The following TSHR variants were observed in gnomAD, a reference collection of about 807,000 sequenced individuals.
The protein encoded by TSHR is thyrotropin receptor.
In TSHR, 51 loss-of-function variants were observed where a neutral mutation model predicts 64.1. The observed-to-expected ratio is 0.80, with a 90% CI of 0.64 to 1.01. The LOEUF (loss-of-function observed/expected upper bound fraction) is 1.01. Among genes scored for constraint, TSHR ranks in the 50% least tolerant of loss-of-function variants. The pLI is 0.00. For synonymous variants in TSHR, 361 were observed against 361.9 expected, an observed-to-expected ratio of 1.00 and a Z score of 0.03; for missense variants, 877 against 942.8, an observed-to-expected ratio of 0.93 and a Z score of 0.91.
intron 1 of TSHR, among the ~76,000 whole-genome samples, chr14:81,011,828 C>T (rs947311698): frequency 1.6e-4 from 25 of 151,906 alleles, no homozygotes; most frequent in Non-Finnish European, 3.1e-4. Flanking sequence ...CCACTGCACT[C>T]CAGACTGGCG....
intron 1 of TSHR, among the ~76,000 whole-genome samples, chr14:81,024,557 T>G (rs1432624805): frequency 6.6e-6 from 1 of 152,062 alleles, no homozygotes; most frequent in Non-Finnish European, 1.5e-5. Flanking sequence ...AGGTATGCCT[T>G]TCTTATAGCA....
chr14:81,125,642 C>G (rs902163235), intron 8 of TSHR, among the ~76,000 whole-genome samples: 3 of 152,082 alleles, frequency 2.0e-5, no homozygotes, highest in Non-Finnish European at 4.4e-5. Context: ...TCTGTGCTTA[C>G]CAAGTGAAGC....
At chr14:81,056,675 A>T (rs566235676) in intron 1 of TSHR, among the ~76,000 whole-genome samples, 11 of 152,344 alleles carry the variant, frequency 7.2e-5, no homozygotes, top group African/African-American at 2.6e-4. Flanking sequence ...TCCATAAGTC[A>T]AACTTATCAA....
rs1316364077 is a variant in TSHR at position 80,956,812 on chromosome 14, G to A, written c.170+962G>A. Among the ~76,000 whole-genome samples the A allele has an allele frequency of 4.6e-5, 7 of 152,118 alleles. No individual in the cohort carries two copies. The East Asian group carries it at 9.6e-4, about 21-fold the overall frequency. ...CAGTAGATGAATATTTGAGCACAGA[G>A]ATATATTTCTGTGCTCAGAGATATC... On this transcript the variant is annotated intron_variant, in intron 1 of 9. Coordinates refer to ENST00000298171, the MANE Select transcript of TSHR (RefSeq NM_000369.5).
intron 7 of TSHR, among the ~76,000 whole-genome samples, chr14:81,107,923 G>A (rs1889999307): frequency 6.6e-6 from 1 of 152,018 alleles, no homozygotes; most frequent in African/African-American, 2.4e-5. Flanking sequence ...CTGAATCTCT[G>A]ACAGTCCTCA....
intron 1 of TSHR, chr14:81,051,112 CT>C (rs1022688538): frequency 1.4e-4 from 21 of 154,738 alleles, no homozygotes; most frequent in African/African-American, 5.0e-4. Flanking sequence ...TTCTAAATTT[CT>C]TTGTTGTCAT....
chr14:81,071,964 G>A (rs1224209763), intron 3 of TSHR, among the ~76,000 whole-genome samples: 1 of 152,116 alleles, frequency 6.6e-6, no homozygotes, highest in Non-Finnish European at 1.5e-5. Context: ...GTCATATGAG[G>A]TGATTACTGG....
chr14:80,991,559 G>GA (rs1181330617), intron 1 of TSHR: 1 of 398,364 alleles, frequency 2.5e-6, no homozygotes, highest in Non-Finnish European at 4.4e-6. Flanking sequence ...GAAGAGAGAG[G>GA]AAAAAAGTCT....
At chr14:81,102,751 T>C (rs758659533) in intron 7 of TSHR, 17 of 980,994 alleles carry the variant, frequency 1.7e-5, no homozygotes, top group Non-Finnish European at 2.1e-5. Context: ...GGTCATAGTT[T>C]GTAGACCTCT....
At chr14:81,026,831 T>C (rs1217642013) in intron 1 of TSHR, among the ~76,000 whole-genome samples, 1 of 149,816 alleles carries the variant, frequency 6.7e-6, no homozygotes, top group East Asian at 2.0e-4. Context: ...AGGTCAGGAG[T>C]TCAAGACCAG....
chr14:81,019,832 G>A (rs546345492), intron 1 of TSHR, among the ~76,000 whole-genome samples: 45 of 152,200 alleles, frequency 3.0e-4, no homozygotes, highest in African/African-American at 7.2e-4. Context: ...GTGTATGTGC[G>A]CCACATTTTC....
chr14:81,001,674 C>G, intron 1 of TSHR: 8 of 515,112 alleles, frequency 1.6e-5, no homozygotes, highest in South Asian at 1.1e-4. Context: ...GGTGGCTTTT[C>G]GTACAGGCAC....
chr14:81,011,792 G>A (rs900552604), intron 1 of TSHR, among the ~76,000 whole-genome samples: 3 of 151,950 alleles, frequency 2.0e-5, no homozygotes, highest in African/African-American at 4.8e-5. Flanking sequence ...TTTCTCCTGC[G>A]GAGATTGCAG....
intron 1 of TSHR, among the ~76,000 whole-genome samples, chr14:80,999,609 A>T (rs1889198976): frequency 6.6e-6 from 1 of 152,236 alleles, no homozygotes; most frequent in Non-Finnish European, 1.5e-5. Context: ...TTAATTATAA[A>T]GCTAAAAGTG....
intron 1 of TSHR, among the ~76,000 whole-genome samples, chr14:80,984,063 G>C (rs1232060461): frequency 6.7e-6 from 1 of 148,206 alleles, no homozygotes; most frequent in Non-Finnish European, 1.5e-5. Context: ...TAGAGAGAGA[G>C]TGAGTGTGTG....
intron 1 of TSHR, among the ~76,000 whole-genome samples, chr14:81,022,278 A>T (rs373741731): frequency 2.4e-4 from 36 of 152,080 alleles, no homozygotes; most frequent in Admixed American, 1.4e-3. Context: ...TCAAAAACAA[A>T]AACAAAACAA....
intron 6 of TSHR, among the ~76,000 whole-genome samples, chr14:81,095,819 C>T (rs2139996277): frequency 6.6e-6 from 1 of 152,206 alleles, no homozygotes; most frequent in South Asian, 2.1e-4. Context: ...GAGGCTGAGG[C>T]AGGCGGATCA....
intron 1 of TSHR, among the ~76,000 whole-genome samples, chr14:81,057,592 A>G (rs1306497705): frequency 1.3e-5 from 2 of 152,214 alleles, no homozygotes; most frequent in African/African-American, 4.8e-5. Flanking sequence ...TACTTTCTAT[A>G]CTCACATAGA....
chr14:81,089,070 C>T lies in TSHR; in HGVS notation c.392+1042C>T, dbSNP rs1001837916. ...TGGTGTGATCTTGGCTCACTGCAACCGCCACTTCCTGCATTCAAGCGATTC... is the reference window on the plus strand; with the variant it reads ...TGGTGTGATCTTGGCTCACTGCAACTGCCACTTCCTGCATTCAAGCGATTC... On this transcript the variant is annotated intron_variant, in intron 4 of 9. Coordinates refer to ENST00000298171, the MANE Select transcript of TSHR (RefSeq NM_000369.5). Among the ~76,000 whole-genome samples the T allele has an allele frequency of 7.9e-5, 12 of 151,424 alleles. 1 individual carries two copies. The highest frequency in any genetic ancestry group is 2.1e-4 in the South Asian group (1 of 4,792).
Sources: gnomAD v4.1 joint callset for allele counts (sites outside exome capture counted in the v4.1 genomes callset) on GRCh38, gnomAD v4.1.1 for gene constraint, MANE v1.5 for transcripts, NCBI Gene and HGNC (gene_info 2026-07-23, HGNC 2026-07-21) for gene names.